Variants in ETAA1 observed in about 807,000 individuals in gnomAD.
ETAA1 encodes the protein ewing's tumor-associated antigen 1.
In ETAA1, 49 loss-of-function variants were observed where a neutral mutation model predicts 76.8. That is an observed-to-expected ratio of 0.64 (90% CI 0.51 to 0.81). ETAA1 has a LOEUF of 0.81. Among genes scored for constraint, ETAA1 ranks in the 30% least tolerant of loss-of-function variants. The pLI is 0.00. For missense variants in ETAA1, 1,099 were observed against 1,074.0 expected, an observed-to-expected ratio of 1.02 and a Z score of -0.32; for synonymous variants, 373 against 372.2, an observed-to-expected ratio of 1.00 and a Z score of -0.03.
At chr2:67,400,800 AGACAG>A (rs1676032644) in intron 3 of ETAA1, 1 of 152,196 alleles carries the variant, frequency 6.6e-6, no homozygotes, top group South Asian at 2.1e-4. Context: ...CAGGTGGAAG[AGACAG>A]AAAATGAAGT....
At position 67,410,214 on chromosome 2, in the gene ETAA1, A is replaced by G. The variant is rs1180025403; in HGVS notation, c.*176A>G. 4 of 618,652 alleles carry G rather than the reference A, an allele frequency of 6.5e-6. No homozygotes were observed. In the Admixed American group the frequency reaches 1.1e-4, roughly 17 times the overall value. 38.3% of individuals were successfully genotyped at this position (618,652 alleles called of 1,614,324 possible). A position where few individuals can be genotyped will look rare whatever the true frequency, so the allele number is the denominator to read the frequency against. On this transcript the variant is annotated 3_prime_UTR_variant, in exon 6 of 6. Transcript: ENST00000272342. ...TGGTAAATGAAACATTTCCTTGGACATGTATTTGAAAGTCATTAAATACAA... is the reference window on the plus strand; with the variant it reads ...TGGTAAATGAAACATTTCCTTGGACGTGTATTTGAAAGTCATTAAATACAA...
At position 67,404,273 on chromosome 2, in the gene ETAA1, G is replaced by A; in HGVS notation, c.1591G>A (p.Glu531Lys). Reference protein sequence around the residue: ...KSALNTRYSNEQKNKCILNQS... With the variant: ...KSALNTRYSNKQKNKCILNQS... ...AGCTTTGAACACAAGGTATTCTAAT[G>A]AACAGAAAAATAAGTGCATTTTAAA... The change falls in exon 5 of 6, where the codon GAA (glutamate) becomes AAA (lysine). Residue 531 changes from glutamate (E) to lysine (K), a missense_variant. This residue lies in a region of ETAA1 where 761 missense variants were observed against 731.9 expected (regional missense o/e 1.04). Transcript: ENST00000272342. 6.2e-7 allele frequency: 1 copy of A among 1,612,064 alleles called. No individual in the cohort carries two copies. The highest frequency in any genetic ancestry group is 8.5e-7 in the Non-Finnish European group (1 of 1,179,154).
chr2:67,407,659 A>C (rs1387021680), intron 5 of ETAA1, among the ~76,000 whole-genome samples: 4 of 152,158 alleles, frequency 2.6e-5, no homozygotes, highest in African/African-American at 9.6e-5. Flanking sequence ...CGATAACATA[A>C]TTAATTAATA....
rs777110899 is a variant in ETAA1 at position 67,402,925 on chromosome 2, A to G, written c.493A>G (p.Thr165Ala). 6.2e-7 allele frequency: 1 copy of G among 1,607,530 alleles called. No homozygotes were observed. Among genetic ancestry groups the G allele is most frequent in the South Asian group, 1.1e-5 (1 of 90,368 alleles). The change falls in exon 4 of 6, where the codon ACT (threonine) becomes GCT (alanine). Residue 165 changes from threonine (T) to alanine (A), a missense_variant. By Grantham distance (58) the Thr-to-Ala change is moderately conservative. Transcript: ENST00000272342. ...MWIGETAIPC[T>A]PSVAKGKSRA... ...GATTGGTGAAACTGCTATTCCTTGTACTCCCAGTGTAGCAAAAGGAAAATC... is the reference window on the plus strand; with the variant it reads ...GATTGGTGAAACTGCTATTCCTTGTGCTCCCAGTGTAGCAAAAGGAAAATC...
chr2:67,403,517 G>A lies in ETAA1; in HGVS notation c.835G>A (p.Glu279Lys). The A allele has an allele frequency of 6.2e-7, 1 of 1,613,530 alleles. No homozygotes were observed. Among genetic ancestry groups the A allele is most frequent in the Non-Finnish European group, 8.5e-7 (1 of 1,179,506 alleles). ...TCAGAAGCCATTTGACCAAATTGCTGAAGCAGCCTTTAATGCTATTTTTGA... is the reference window on the plus strand; with the variant it reads ...TCAGAAGCCATTTGACCAAATTGCTAAAGCAGCCTTTAATGCTATTTTTGA... ...SSQKPFDQIA[E>K]AAFNAIFDGS... The change falls in exon 5 of 6, where the codon GAA (glutamate) becomes AAA (lysine). Residue 279 changes from glutamate to lysine, a missense_variant. Physicochemically the swap from Glu to Lys is moderately conservative, Grantham distance 56 (BLOSUM62 1). This residue lies in a region of ETAA1 where 761 missense variants were observed against 731.9 expected (regional missense o/e 1.04). Coordinates refer to ENST00000272342, the MANE Select transcript of ETAA1 (RefSeq NM_019002.4).
chr2:67,404,209 T>C lies in ETAA1; in HGVS notation c.1527T>C (p.Asp509=), dbSNP rs766549258. Reference sequence around the variant, plus strand: ...CTAATCTGACAAAAATAAAGGAAGATATTCTTACTAACTCTACTGAAGCTT... The same window carrying C: ...CTAATCTGACAAAAATAAAGGAAGACATTCTTACTAACTCTACTGAAGCTT... ...VTSNLTKIKE[D]ILTNSTEASE... is the part of the protein sequence containing the mutation. The change falls in exon 5 of 6, where the codon GAT becomes GAC. Residue 509 remains aspartate, a synonymous_variant. Coordinates refer to ENST00000272342, the MANE Select transcript of ETAA1 (RefSeq NM_019002.4). The C allele has an allele frequency of 6.2e-7, 1 of 1,611,436 alleles. No individual in the cohort carries two copies. Among genetic ancestry groups the C allele is most frequent in the South Asian group, 1.1e-5 (1 of 90,904 alleles).
In ETAA1 at chr2:67,405,258, T is replaced by A; in HGVS notation, c.2576T>A (p.Val859Asp). Residue 859 changes from valine to aspartate, a missense_variant, in exon 5 of 6, where the codon GTC (valine) becomes GAC (aspartate). Val to Asp is a radical substitution (Grantham distance 152). Coordinates refer to ENST00000272342, the MANE Select transcript of ETAA1 (RefSeq NM_019002.4). The stretch of plus-strand genomic sequence containing the variant: ...CAGGGTGTGGAGAAAAAGAAAGGTG[T>A]CAACCCATTACTGGAGGAAGCTGTT... ...ITQGVEKKKG[V>D]NPLLEEAVGQ... is the part of the protein sequence containing the mutation. The A allele has an allele frequency of 2.5e-6, 4 of 1,608,102 alleles. No individual in the cohort carries two copies. Among genetic ancestry groups the A allele is most frequent in the Non-Finnish European group, 2.5e-6 (3 of 1,177,644 alleles).
Position 67,399,215 on chromosome 2 carries a change from A to G in ETAA1, c.270A>G (p.Ser90=). ...GAGCGCTGAAAATGGACTCACTGTCATCTTCCTTCAGTTCTCCTAATGATC... is the reference window on the plus strand; with the variant it reads ...GAGCGCTGAAAATGGACTCACTGTCGTCTTCCTTCAGTTCTCCTAATGATC... ...PKRALKMDSL[S]SSFSSPNDPD... Residue 90 remains serine, a synonymous_variant, in exon 2 of 6, where the codon TCA becomes TCG. Coordinates refer to ENST00000272342, the MANE Select transcript of ETAA1 (RefSeq NM_019002.4). 3 of 1,613,590 alleles carry G rather than the reference A, an allele frequency of 1.9e-6. No individual in the cohort carries two copies. The highest frequency in any genetic ancestry group is 2.5e-6 in the Non-Finnish European group (3 of 1,179,616).
chr2:67,408,372 T>C (rs1031014229), intron 5 of ETAA1, among the ~76,000 whole-genome samples: 1 of 152,168 alleles, frequency 6.6e-6, no homozygotes, highest in African/African-American at 2.4e-5. Flanking sequence ...TTGAAAATTA[T>C]ATGAAATCCA....
At position 67,405,142 on chromosome 2, in the gene ETAA1, GTTTACA is replaced by G. The variant is rs762681402; in HGVS notation, c.2467_2472del (p.Phe823_Thr824del). 165 of 1,612,420 alleles carry G rather than the reference GTTTACA, an allele frequency of 1.0e-4. No homozygotes were observed. Among genetic ancestry groups the G allele is most frequent in the Non-Finnish European group, 1.2e-4 (147 of 1,179,222 alleles). On this transcript the variant is annotated inframe_deletion, in exon 5 of 6. Transcript: ENST00000272342. ...TTAACACAACAGTTGGATTTTCAAAGTTTACATTTACAAGGATGAAAAATTCTCAGA... is the reference window on the plus strand; with the variant it reads ...TTAACACAACAGTTGGATTTTCAAAGTTTACAAGGATGAAAAATTCTCAGA...
rs1257309130 is a variant in ETAA1 at position 67,410,850 on chromosome 2, T to C, written c.*812T>C. On this transcript the variant is annotated 3_prime_UTR_variant, in exon 6 of 6. Coordinates refer to ENST00000272342, the MANE Select transcript of ETAA1 (RefSeq NM_019002.4). ...TGATTTATTTGGACACCTAAACAAT[T>C]ATACTATTTGTTTCAAAGTATCAGT... 1 of 152,054 alleles carries C rather than the reference T, an allele frequency of 6.6e-6. No individual in the cohort carries two copies. The allele number at this position is 152,054 out of a possible 1,614,324, so 9.4% of individuals were successfully genotyped here. A position where few individuals can be genotyped will look rare whatever the true frequency, so the allele number is the denominator to read the frequency against.
intron 2 of ETAA1, 109 bp from the exon 3 acceptor site, chr2:67,399,441 T>C: frequency 8.8e-7 from 1 of 1,133,828 alleles, no homozygotes; most frequent in South Asian, 1.4e-5. Context: ...TGTAAACACA[T>C]AATCCTCTAA....
Position 67,405,018 on chromosome 2 carries a change from CT to C in ETAA1, c.2338del (p.Ser780GlnfsTer4). 6.2e-7 allele frequency: 1 copy of C among 1,611,764 alleles called. No individual in the cohort carries two copies. Among genetic ancestry groups the C allele is most frequent in the Non-Finnish European group, 8.5e-7 (1 of 1,178,718 alleles). ...CCAGGAAGTTCAAGTTTGAATGTAA[CT>C]TCAGATCATATGAATACAGAAATTA... ...VLPGSSSLNV[T>X]SDHMNTEITT... On this transcript the variant is annotated frameshift_variant, in exon 5 of 6. Transcript: ENST00000272342. LOFTEE classifies it high-confidence loss of function.
At chr2:67,405,447 CTAGT>C in intron 5 of ETAA1, 112 bp downstream of exon 5, 1 of 734,460 alleles carries the variant, frequency 1.4e-6, no homozygotes, top group East Asian at 2.8e-5. Flanking sequence ...TATTCTATGA[CTAGT>C]TAATTTTAAG....
chr2:67,404,208 A>C lies in ETAA1; in HGVS notation c.1526A>C (p.Asp509Ala), dbSNP rs760729135. ...TCTAATCTGACAAAAATAAAGGAAG[A>C]TATTCTTACTAACTCTACTGAAGCT... ...VTSNLTKIKE[D>A]ILTNSTEASE... Residue 509 changes from aspartate to alanine, a missense_variant, in exon 5 of 6, where the codon GAT becomes GCT. Physicochemically the swap from Asp to Ala is moderately radical, Grantham distance 126 (BLOSUM62 -2). This residue lies in a region of ETAA1 where 761 missense variants were observed against 731.9 expected (regional missense o/e 1.04). Coordinates refer to ENST00000272342, the MANE Select transcript of ETAA1 (RefSeq NM_019002.4). 2 of 1,611,484 alleles carry C rather than the reference A, an allele frequency of 1.2e-6. No homozygotes were observed. Among genetic ancestry groups the C allele is most frequent in the East Asian group, 4.5e-5 (2 of 44,782 alleles).
In ETAA1 at chr2:67,403,891, T is replaced by C. The variant is rs747996400; in HGVS notation, c.1209T>C (p.Phe403=). The C allele has an allele frequency of 3.8e-5, 62 of 1,612,960 alleles. No individual in the cohort carries two copies. Among genetic ancestry groups the C allele is most frequent in the Non-Finnish European group, 4.7e-5 (56 of 1,179,520 alleles). ...AAAATATCGACATGCCTGAACTCTT[T>C]CCTTCTAAAACAGCCCATGTTACTG... ...AMQNIDMPEL[F]PSKTAHVTDQ... is the part of the protein sequence containing the mutation. Residue 403 remains phenylalanine, a synonymous_variant, in exon 5 of 6, where the codon TTT becomes TTC. Coordinates refer to ENST00000272342, the MANE Select transcript of ETAA1 (RefSeq NM_019002.4).
Position 67,397,611 on chromosome 2 carries a change from C to G in ETAA1, c.163C>G (p.Pro55Ala). The change falls in exon 1 of 6, where the codon CCA becomes GCA. Residue 55 changes from proline (P) to alanine (A), a missense_variant. Transcript: ENST00000272342. The stretch of plus-strand genomic sequence containing the variant: ...CGGGGCTAGAGAGGGGCCTCCCGGG[C>G]CAGTGCGGCAGCGAGAGCAGCCTCC... ...PCGAREGPPG[P>A]VRQREQPPTA... 6.5e-7 allele frequency: 1 copy of G among 1,549,532 alleles called. No homozygotes were observed.
Position 67,404,483 on chromosome 2 carries a change from G to A in ETAA1, c.1801G>A (p.Glu601Lys). The stretch of plus-strand genomic sequence containing the variant: ...ATGTCATCAATTAGATAATACCTGG[G>A]AAGCAGATGATGTAGATGATGATTT... ...KACHQLDNTW[E>K]ADDVDDDLLY... Residue 601 changes from glutamate to lysine, a missense_variant, in exon 5 of 6, where the codon GAA (glutamate) becomes AAA (lysine). This residue lies in a region of ETAA1 where 761 missense variants were observed against 731.9 expected (regional missense o/e 1.04). Transcript: ENST00000272342. The A allele has an allele frequency of 1.2e-6, 2 of 1,613,282 alleles. No individual in the cohort carries two copies. The highest frequency in any genetic ancestry group is 1.7e-6 in the Non-Finnish European group (2 of 1,179,522).
rs749647629 is a variant in ETAA1 at position 67,405,339 on chromosome 2, T to C, written c.2653+4T>C. 3 of 1,510,290 alleles carry C rather than the reference T, an allele frequency of 2.0e-6. No homozygotes were observed. The highest frequency in any genetic ancestry group is 2.8e-5 in the South Asian group (2 of 71,528). 93.6% of individuals were successfully genotyped at this position (1,510,290 alleles called of 1,614,324 possible). A position where few individuals can be genotyped will look rare whatever the true frequency, so the allele number is the denominator to read the frequency against. On this transcript the variant is annotated splice_donor_region_variant and intron_variant, in intron 5 of 5. Transcript: ENST00000272342. ...TCTTTGAAACAATCTTCAAAAGGTA[T>C]GTATGAAATATGAAATAGTTTTCTT... is the stretch of plus-strand genomic sequence containing the variant.
Sources: allele counts gnomAD v4.1 joint callset (sites outside exome capture counted in the v4.1 genomes callset), GRCh38; gene constraint gnomAD v4.1.1; regional missense constraint gnomAD v4.1.1; transcripts MANE v1.5; gene names NCBI Gene and HGNC (gene_info 2026-07-23, HGNC 2026-07-21).